UMAD1: variants seen among roughly 807,000 people sequenced by gnomAD.
UMAD1 encodes the protein UBAP1-MVB12-associated (UMA) domain containing 1.
A neutral mutation model predicts 6.1 loss-of-function variants in UMAD1; 8 were observed. The observed-to-expected ratio is 1.30, with a 90% confidence interval of 0.76 to 2.35. The LOEUF (loss-of-function observed/expected upper bound fraction) is 2.35. Ranked by LOEUF, UMAD1 falls within the 30% of genes most tolerant of loss-of-function variation. The pLI is 0.00. For missense variants in UMAD1, 130 were observed against 78.4 expected (o/e 1.66, Z -2.49); for synonymous variants, 56 against 31.4 (o/e 1.78, Z -2.61).
chr7:7,734,865 C>T (rs934861647), intron 2 of UMAD1, among the ~76,000 whole-genome samples: 1 of 152,086 alleles, frequency 6.6e-6, no homozygotes, highest in African/African-American at 2.4e-5. Flanking sequence ...AGTGTATTAA[C>T]AATGCTTTGC....
At chr7:7,661,400 G>C (rs1445377162) in intron 1 of UMAD1, among the ~76,000 whole-genome samples, 1 of 152,124 alleles carries the variant, frequency 6.6e-6, no homozygotes, top group Non-Finnish European at 1.5e-5. Flanking sequence ...TCTGGTTTTT[G>C]GAATTTTCCG....
intron 2 of UMAD1, among the ~76,000 whole-genome samples, chr7:7,711,084 C>G (rs1243072628): frequency 6.6e-6 from 1 of 152,150 alleles, no homozygotes; most frequent in Non-Finnish European, 1.5e-5. Context: ...AAGGATAACA[C>G]TGGGGATTCT....
At chr7:7,785,525 C>T (rs1477931957) in intron 2 of UMAD1, among the ~76,000 whole-genome samples, 1 of 152,082 alleles carries the variant, frequency 6.6e-6, no homozygotes, top group African/African-American at 2.4e-5. Flanking sequence ...CAATAGGGGC[C>T]ATAAAATAAT....
At chr7:7,723,094 A>T (rs1305396839) in intron 2 of UMAD1, among the ~76,000 whole-genome samples, 1 of 152,176 alleles carries the variant, frequency 6.6e-6, no homozygotes, top group Non-Finnish European at 1.5e-5. Context: ...AGCCACTGCC[A>T]ACATCCCTGT....
At chr7:7,793,039 A>G (rs1782600121) in intron 2 of UMAD1, among the ~76,000 whole-genome samples, 1 of 152,146 alleles carries the variant, frequency 6.6e-6, no homozygotes, top group Non-Finnish European at 1.5e-5. Flanking sequence ...GGGATCGGGG[A>G]GGACACACAC....
chr7:7,754,892 A>G (rs140996337), intron 2 of UMAD1, among the ~76,000 whole-genome samples: 3 of 152,322 alleles, frequency 2.0e-5, no homozygotes, highest in African/African-American at 7.2e-5. Flanking sequence ...ACTTAACCGT[A>G]TGATTGCACA....
intron 2 of UMAD1, among the ~76,000 whole-genome samples, chr7:7,695,670 C>T (rs1231253350): frequency 6.6e-6 from 1 of 152,156 alleles, no homozygotes; most frequent in East Asian, 1.9e-4. Flanking sequence ...TTAAAAAAGA[C>T]ATTGCTTCTG....
intron 1 of UMAD1, among the ~76,000 whole-genome samples, chr7:7,663,096 G>C (rs922600705): frequency 6.0e-5 from 9 of 151,192 alleles, no homozygotes; most frequent in African/African-American, 2.2e-4. Flanking sequence ...AGTTTATAAA[G>C]CATTAGTTAC....
At chr7:7,862,919 C>T (rs1376322264) in intron 3 of UMAD1, among the ~76,000 whole-genome samples, 1 of 152,010 alleles carries the variant, frequency 6.6e-6, no homozygotes, top group African/African-American at 2.4e-5. Flanking sequence ...TGCTTAGACT[C>T]ATAAAGAAAA....
chr7:7,847,099 AAAAAAATATATATATATATAT>A (rs1262060141), intron 3 of UMAD1, among the ~76,000 whole-genome samples: 14 of 44,550 alleles, frequency 3.1e-4, no homozygotes, highest in Middle Eastern at 7.6e-3. Context: ...AAAAAAAAAA[AAAAAAATATATATATATATAT>A]ATATATATAT....
At chr7:7,730,238 A>G (rs1306529305) in intron 2 of UMAD1, among the ~76,000 whole-genome samples, 1 of 152,182 alleles carries the variant, frequency 6.6e-6, no homozygotes, top group Non-Finnish European at 1.5e-5. Flanking sequence ...GTACTTTGGA[A>G]TCACGTGGGG....
intron 2 of UMAD1, among the ~76,000 whole-genome samples, chr7:7,711,182 A>T (rs930855793): frequency 6.6e-6 from 1 of 152,188 alleles, no homozygotes; most frequent in Non-Finnish European, 1.5e-5. Flanking sequence ...AGATGTTGCC[A>T]TTGTGGTAAA....
intron 1 of UMAD1, among the ~76,000 whole-genome samples, chr7:7,658,278 T>G (rs1785391978): frequency 6.6e-6 from 1 of 152,266 alleles, no homozygotes; most frequent in African/African-American, 2.4e-5. Context: ...TGGCTTCCTC[T>G]TTTCCTATTC....
intron 2 of UMAD1, among the ~76,000 whole-genome samples, chr7:7,734,357 C>T (rs549821113): frequency 4.6e-5 from 7 of 152,010 alleles, no homozygotes; most frequent in African/African-American, 1.7e-4. Flanking sequence ...TGTAGCTAAC[C>T]TTTATTTATT....
At chr7:7,680,413 C>T (rs1291356004) in intron 2 of UMAD1, among the ~76,000 whole-genome samples, 6 of 152,006 alleles carry the variant, frequency 3.9e-5, no homozygotes, top group Non-Finnish European at 8.8e-5. Context: ...TGTTTTTATG[C>T]CGGTACTGTG....
intron 2 of UMAD1, among the ~76,000 whole-genome samples, chr7:7,723,225 A>G (rs1408018798): frequency 6.6e-6 from 1 of 152,240 alleles, no homozygotes; most frequent in Non-Finnish European, 1.5e-5. Context: ...TTCAGTTTAC[A>G]TAAGCAGAAA....
At chr7:7,704,765 TCAAA>T (rs1780555250) in intron 2 of UMAD1, among the ~76,000 whole-genome samples, 1 of 16,290 alleles carries the variant, frequency 6.1e-5, no homozygotes, top group Non-Finnish European at 1.0e-4. Context: ...AGACTCCATC[TCAAA>T]AAAAAAAAAA....
intron 3 of UMAD1, among the ~76,000 whole-genome samples, chr7:7,851,106 C>G (rs368679433): frequency 3.3e-5 from 5 of 152,066 alleles, no homozygotes; most frequent in Admixed American, 1.3e-4. Flanking sequence ...TATTCTGTCT[C>G]TTATAGATTT....
At chr7:7,786,529 C>T (rs1224347399) in intron 2 of UMAD1, among the ~76,000 whole-genome samples, 1 of 152,152 alleles carries the variant, frequency 6.6e-6, no homozygotes, top group Non-Finnish European at 1.5e-5. Flanking sequence ...TACAGATCAG[C>T]TGATGGTTTA....
Sources: allele counts gnomAD v4.1 joint callset (sites outside exome capture counted in the v4.1 genomes callset), GRCh38; gene constraint gnomAD v4.1.1; transcripts MANE v1.5; gene names NCBI Gene and HGNC (gene_info 2026-07-23, HGNC 2026-07-21).